The following WWC1 variants were observed in gnomAD, a reference collection of about 807,000 sequenced individuals.
WWC1 encodes protein KIBRA.
A neutral mutation model predicts 138.4 loss-of-function variants in WWC1; 55 were observed. That is an observed-to-expected ratio of 0.40 (90% CI 0.32 to 0.50). The LOEUF (loss-of-function observed/expected upper bound fraction) is 0.50. WWC1 is among the 20% of genes least tolerant of loss of function. The pLI, the probability that WWC1 is intolerant of heterozygous loss-of-function variation, is 0.72. For synonymous variants in WWC1, 524 were observed against 564.9 expected (o/e 0.93, Z 1.03); for missense variants, 1,226 against 1,420.4 (o/e 0.86, Z 2.20).
intron 5 of WWC1, 72 bp from the exon 6 acceptor site, chr5:168,406,126 G>A: frequency 6.4e-7 from 1 of 1,572,668 alleles, no homozygotes; most frequent in South Asian, 1.2e-5. Context: ...CCTGTGGTCT[G>A]TGCTTTTCCC....
intron 6 of WWC1, among the ~76,000 whole-genome samples, chr5:168,407,359 G>C (rs17633160): frequency 0.18 from 27,081 of 152,118 alleles, 2,587 homozygotes; most frequent in Middle Eastern, 0.22. Context: ...AAGCTAGAGC[G>C]GTGATTCAAA....
At chr5:168,357,957 T>A (rs1027043382) in intron 1 of WWC1, among the ~76,000 whole-genome samples, 7 of 152,208 alleles carry the variant, frequency 4.6e-5, no homozygotes, top group African/African-American at 1.7e-4. Flanking sequence ...GCAGTCGAGT[T>A]GCAGACAAGG....
chr5:168,367,851 CAAAT>C (rs1776431690), intron 1 of WWC1, among the ~76,000 whole-genome samples: 1 of 151,610 alleles, frequency 6.6e-6, no homozygotes, highest in South Asian at 2.1e-4. Flanking sequence ...ATGAACACAA[CAAAT>C]AAATTAATAA....
intron 1 of WWC1, among the ~76,000 whole-genome samples, chr5:168,338,939 A>C (rs1456709996): frequency 1.3e-5 from 2 of 151,934 alleles, no homozygotes; most frequent in Admixed American, 6.5e-5. Context: ...AACCATATTA[A>C]TATAGTTTCA....
intron 17 of WWC1, among the ~76,000 whole-genome samples, chr5:168,452,487 C>T (rs1332003182): frequency 6.6e-6 from 1 of 152,162 alleles, no homozygotes; most frequent in Non-Finnish European, 1.5e-5. Context: ...AGAAGGCAGC[C>T]ATCTGCTAGC....
intron 1 of WWC1, among the ~76,000 whole-genome samples, chr5:168,370,263 C>A (rs1776652687): frequency 6.6e-6 from 1 of 152,026 alleles, no homozygotes; most frequent in Non-Finnish European, 1.5e-5. Flanking sequence ...CTTGGTTGCA[C>A]CATTGATTAA....
intron 11 of WWC1, among the ~76,000 whole-genome samples, 157 bp from the exon 12 acceptor site, chr5:168,427,876 C>G (rs904414068): frequency 2.0e-5 from 3 of 152,014 alleles, no homozygotes; most frequent in Non-Finnish European, 2.9e-5. Flanking sequence ...GGGAGGATCA[C>G]CAGAACCCGA....
At chr5:168,455,285 C>T in intron 18 of WWC1, 71 bp from the exon 19 acceptor site, 1 of 1,491,836 alleles carries the variant, frequency 6.7e-7, no homozygotes, top group Non-Finnish European at 8.9e-7. Context: ...AGAGGAGCAG[C>T]TGAGTGGTCT....
chr5:168,350,876 T>C (rs1379799482), intron 1 of WWC1, among the ~76,000 whole-genome samples: 1 of 152,180 alleles, frequency 6.6e-6, no homozygotes, highest in Non-Finnish European at 1.5e-5. Context: ...CTGGGCGCGG[T>C]GGCTCACGCC....
chr5:168,408,803 G>A (rs1262698812), intron 7 of WWC1, 150 bp downstream of exon 7: 2 of 1,101,932 alleles, frequency 1.8e-6, no homozygotes, highest in African/African-American at 3.1e-5. Flanking sequence ...CTGGAGCTCT[G>A]TTCTCTTACA....
At chr5:168,323,823 A>G (rs538564562) in intron 1 of WWC1, among the ~76,000 whole-genome samples, 2 of 152,236 alleles carry the variant, frequency 1.3e-5, no homozygotes, top group South Asian at 2.1e-4. Context: ...ACACCTAGAC[A>G]CATCATAGTC....
chr5:168,389,066 T>C (rs1294005584), intron 3 of WWC1, among the ~76,000 whole-genome samples: 2 of 152,162 alleles, frequency 1.3e-5, no homozygotes, highest in Non-Finnish European at 2.9e-5. Context: ...TTCATTACAT[T>C]ATTCTTTCAA....
In WWC1 at chr5:168,310,626, G is replaced by A. The variant is rs1400073727; in HGVS notation, c.119+18355G>A. On this transcript the variant is annotated intron_variant, in intron 1 of 22. Coordinates refer to ENST00000265293, the MANE Select transcript of WWC1 (RefSeq NM_015238.3). The stretch of plus-strand genomic sequence containing the variant: ...AAGGTGGGAGGATAGCTTGAGCCCA[G>A]GGGTTCAAGACCAGCCTGGGCAACA... 4.6e-5 allele frequency among the ~76,000 whole-genome samples: 7 copies of A among 152,048 alleles called. 1 individual carries two copies. Among genetic ancestry groups the A allele is most frequent in the Admixed American group, 4.6e-4 (7 of 15,256 alleles).
At chr5:168,453,329 T>C (rs1264257559) in intron 17 of WWC1, among the ~76,000 whole-genome samples, 1 of 152,164 alleles carries the variant, frequency 6.6e-6, no homozygotes, top group Non-Finnish European at 1.5e-5. Flanking sequence ...ACAGCATATA[T>C]TGTCTGATTC....
Position 168,391,653 on chromosome 5 carries a change from C to T in WWC1, c.434-6071C>T, listed in dbSNP as rs375005326. On this transcript the variant is annotated intron_variant, in intron 3 of 22. Transcript: ENST00000265293. ...CAGCCTGGGCAACAGAGCAACACTCCGTCTCAAAAAAAAAAAAACAAAAAA... is the reference window on the plus strand; with the variant it reads ...CAGCCTGGGCAACAGAGCAACACTCTGTCTCAAAAAAAAAAAAACAAAAAA... 5.0e-4 allele frequency among the ~76,000 whole-genome samples: 65 copies of T among 129,556 alleles called. 1 individual carries two copies. Among genetic ancestry groups the T allele is most frequent in the East Asian group, 4.2e-3 (18 of 4,238 alleles). The allele number at this position is 129,556 out of a possible 152,430, so 85.0% of individuals were successfully genotyped here. A position where few individuals can be genotyped will look rare whatever the true frequency, so the allele number is the denominator to read the frequency against.
Position 168,352,845 on chromosome 5 carries a change from A to G in WWC1, c.120-18579A>G, listed in dbSNP as rs149620939. Reference sequence around the variant, plus strand: ...GCAATCCACCCACCTCGGCCTCTCAAATTGCTGGGATTACAGGCATGAGCC... The same window carrying G: ...GCAATCCACCCACCTCGGCCTCTCAGATTGCTGGGATTACAGGCATGAGCC... On this transcript the variant is annotated intron_variant, in intron 1 of 22. Coordinates refer to ENST00000265293, the MANE Select transcript of WWC1 (RefSeq NM_015238.3). 6.0e-3 allele frequency among the ~76,000 whole-genome samples: 909 copies of G among 152,154 alleles called. 15 individuals are homozygous for G. Among genetic ancestry groups the G allele is most frequent in the African/African-American group, 0.021 (855 of 41,506 alleles).
intron 1 of WWC1, among the ~76,000 whole-genome samples, chr5:168,352,741 G>A (rs903872224): frequency 1.3e-5 from 2 of 151,918 alleles, no homozygotes; most frequent in Non-Finnish European, 2.9e-5. Context: ...CCACGACCTT[G>A]CCCAGCTAAT....
chr5:168,417,350 T>C (rs1377242302), intron 9 of WWC1, among the ~76,000 whole-genome samples: 3 of 152,044 alleles, frequency 2.0e-5, no homozygotes, highest in Non-Finnish European at 4.4e-5. Flanking sequence ...TCTGTAAAAT[T>C]GTTGGTTTCT....
intron 1 of WWC1, among the ~76,000 whole-genome samples, chr5:168,363,833 TG>T (rs1776077836): frequency 6.6e-6 from 1 of 152,142 alleles, no homozygotes; most frequent in South Asian, 2.1e-4. Flanking sequence ...ACAGAGCTAA[TG>T]AGTGACAGTG....
Sources: allele counts gnomAD v4.1 joint callset (sites outside exome capture counted in the v4.1 genomes callset), GRCh38; gene constraint gnomAD v4.1.1; transcripts MANE v1.5; gene names NCBI Gene and HGNC (gene_info 2026-07-23, HGNC 2026-07-21).